The following NCOA6 variants were observed in gnomAD, a reference collection of about 807,000 sequenced individuals.
NCOA6 encodes the protein NRC RAP250.
Under a neutral mutation model 171.4 loss-of-function variants are expected in NCOA6, and 49 were observed. The ratio of observed to expected loss-of-function variants is 0.29; its 90% CI spans 0.23 to 0.36. The LOEUF (loss-of-function observed/expected upper bound fraction) is 0.36. NCOA6 is among the 10% of genes least tolerant of loss of function. The pLI is 1.00. For synonymous variants in NCOA6, 910 were observed against 927.5 expected (o/e 0.98, Z 0.34); for missense variants, 2,248 against 2,554.5 (o/e 0.88, Z 2.59).
intron 2 of NCOA6, among the ~76,000 whole-genome samples, chr20:34,790,519 T>C (rs1457961163): frequency 1.3e-5 from 2 of 151,984 alleles, no homozygotes; most frequent in African/African-American, 2.4e-5. Context: ...TACGCCCAGC[T>C]AATTTTTTTG....
chr20:34,726,285 T>C (rs1989945048), intron 14 of NCOA6, among the ~76,000 whole-genome samples: 1 of 152,156 alleles, frequency 6.6e-6, no homozygotes, highest in South Asian at 2.1e-4. Context: ...CAAAGGAGGA[T>C]ACTGGTAGAT....
At chr20:34,775,483 G>A (rs1229577302) in intron 4 of NCOA6, among the ~76,000 whole-genome samples, 1 of 151,942 alleles carries the variant, frequency 6.6e-6, no homozygotes, top group Non-Finnish European at 1.5e-5. Context: ...TCAGAAGTTT[G>A]AGACCAGCCT....
At chr20:34,727,231 C>T (rs1365010904) in intron 14 of NCOA6, 28 bp downstream of exon 14, 4 of 1,609,806 alleles carry the variant, frequency 2.5e-6, no homozygotes, top group Non-Finnish European at 3.4e-6. Context: ...ATTTGACCCA[C>T]AAATAGCACC....
intron 1 of NCOA6, among the ~76,000 whole-genome samples, chr20:34,798,334 T>C (rs2078148586): frequency 6.6e-6 from 1 of 152,244 alleles, no homozygotes; most frequent in South Asian, 2.1e-4. Flanking sequence ...CTAAGGTTTC[T>C]GACTTCAGGC....
intron 9 of NCOA6, among the ~76,000 whole-genome samples, chr20:34,747,373 G>C (rs541363352): frequency 6.6e-6 from 1 of 152,306 alleles, no homozygotes; most frequent in South Asian, 2.1e-4. Flanking sequence ...CTTGCAAAAG[G>C]TTGTATAGGT....
chr20:34,723,573 C>T (rs574893003), intron 14 of NCOA6, among the ~76,000 whole-genome samples: 58 of 152,294 alleles, frequency 3.8e-4, no homozygotes, highest in African/African-American at 1.3e-3. Context: ...ATCACAAAGC[C>T]TGAGAGTCAT....
Position 34,742,661 on chromosome 20 carries a change from T to A in NCOA6, c.3595A>T (p.Asn1199Tyr). The change falls in exon 11 of 15, where the codon AAT (asparagine) becomes TAT (tyrosine). Residue 1199 changes from asparagine (N) to tyrosine (Y), a missense_variant. Asn to Tyr is a moderately radical substitution (Grantham distance 143, BLOSUM62 -2). Around this residue, in one of 7 missense-constraint regions of NCOA6, gnomAD observed 352 missense variants for 419.1 expected, o/e 0.84. Coordinates refer to ENST00000359003, the MANE Select transcript of NCOA6 (RefSeq NM_014071.5). ...LPSSHGHHFP[N>Y]VAAPTQTSRP... is the part of the protein sequence containing the mutation. ...GATGTCTGGGTTGGCGCAGCCACAT[T>A]TGGGAAGTGGTGGCCGTGAGAGCTG... The A allele has an allele frequency of 6.2e-7, 1 of 1,614,116 alleles. No individual in the cohort carries two copies. The highest frequency in any genetic ancestry group is 1.7e-5 in the Admixed American group (1 of 60,020).
At chr20:34,792,076 T>C (rs1051330189) in intron 2 of NCOA6, among the ~76,000 whole-genome samples, 1 of 152,188 alleles carries the variant, frequency 6.6e-6, no homozygotes, top group South Asian at 2.1e-4. Flanking sequence ...AGCATCAAAC[T>C]AGAGTTATGT....
intron 1 of NCOA6, among the ~76,000 whole-genome samples, chr20:34,793,037 C>T (rs763471703): frequency 2.6e-5 from 4 of 152,026 alleles, no homozygotes; most frequent in Non-Finnish European, 5.9e-5. Flanking sequence ...CCCGCCTGAG[C>T]CTCCCAAAGT....
Position 34,749,454 on chromosome 20 carries a change from G to C in NCOA6, c.2741C>G (p.Pro914Arg). The C allele has an allele frequency of 6.2e-7, 1 of 1,613,020 alleles. No individual in the cohort carries two copies. Among genetic ancestry groups the C allele is most frequent in the Non-Finnish European group, 8.5e-7 (1 of 1,179,408 alleles). Residue 914 changes from proline to arginine, a missense_variant, in exon 9 of 15, where the codon CCG becomes CGG. By Grantham distance (103) the Pro-to-Arg change is moderately radical (BLOSUM62 -2). Coordinates refer to ENST00000359003, the MANE Select transcript of NCOA6 (RefSeq NM_014071.5). ...CTTCCGAGGGGGTTTCTTCTTCTTCGGTTTATTTGCGTTGGTATTATTTTG... is the reference window on the plus strand; with the variant it reads ...CTTCCGAGGGGGTTTCTTCTTCTTCCGTTTATTTGCGTTGGTATTATTTTG... ...NKQNNTNANKPKKKKPPRKKK... is the reference protein window; with the variant it reads ...NKQNNTNANKRKKKKPPRKKK...
chr20:34,808,033 C>A (rs2078520220), intron 1 of NCOA6, among the ~76,000 whole-genome samples: 1 of 151,732 alleles, frequency 6.6e-6, no homozygotes, highest in Non-Finnish European at 1.5e-5. Context: ...GCCTGTAGTT[C>A]CAGCTACTCA....
chr20:34,758,997 A>G, intron 5 of NCOA6, 64 bp from the exon 6 acceptor site: 3 of 1,496,482 alleles, frequency 2.0e-6, no homozygotes, highest in Non-Finnish European at 2.7e-6. Context: ...TTAATGAGTT[A>G]TTTCAAGAAT....
intron 1 of NCOA6, among the ~76,000 whole-genome samples, chr20:34,799,098 C>T (rs1172959511): frequency 1.3e-5 from 2 of 152,040 alleles, no homozygotes; most frequent in Admixed American, 1.3e-4. Flanking sequence ...TTCAAGATAG[C>T]TCACAGAAGG....
chr20:34,740,440 C>A lies in NCOA6; in HGVS notation c.5816G>T (p.Gly1939Val), dbSNP rs200759781. ...ACCCGCAAGTGACTCAGATGCTATGCCACCATGATTGCTTTTTGTGGTCGG... is the reference window on the plus strand; with the variant it reads ...ACCCGCAAGTGACTCAGATGCTATGACACCATGATTGCTTTTTGTGGTCGG... ...AVPTTKSNHG[G>V]IASESLAGGL... Residue 1939 changes from glycine (G) to valine (V), a missense_variant, in exon 11 of 15, where the codon GGC (glycine) becomes GTC (valine). Gly to Val is a moderately radical substitution (Grantham distance 109). Transcript: ENST00000359003. 10 of 1,614,082 alleles carry A rather than the reference C, an allele frequency of 6.2e-6. No homozygotes were observed. The African/African-American group carries it at 1.2e-4, about 19-fold the overall frequency.
Position 34,720,078 on chromosome 20 carries a change from G to C in NCOA6, c.6149-4713C>G, listed in dbSNP as rs549894095. On this transcript the variant is annotated intron_variant, in intron 14 of 14. Transcript: ENST00000359003. ...TTCCTTAAATTAACATATTTTCCTG[G>C]TTCCAAACTTAAAGCTTTGAACTTC... 1.8e-4 allele frequency among the ~76,000 whole-genome samples: 27 copies of C among 152,128 alleles called. No individual in the cohort carries two copies. In the South Asian group the frequency reaches 2.3e-3, roughly 13 times the overall value.
Position 34,789,378 on chromosome 20 carries a change from T to C in NCOA6, c.-50+3072A>G, listed in dbSNP as rs1257045969. On this transcript the variant is annotated intron_variant, in intron 2 of 14. Coordinates refer to ENST00000359003, the MANE Select transcript of NCOA6 (RefSeq NM_014071.5). ...GGAGGAAATCCAACAGTTTTTCTGATTACTGAGGCATCAAATGCCTGACAT... is the reference window on the plus strand; with the variant it reads ...GGAGGAAATCCAACAGTTTTTCTGACTACTGAGGCATCAAATGCCTGACAT... Among the ~76,000 whole-genome samples, 3 of 152,214 alleles carry C rather than the reference T, an allele frequency of 2.0e-5. No homozygotes were observed. The East Asian group carries it at 5.8e-4, about 29-fold the overall frequency.
chr20:34,798,727 G>A (rs2078162411), intron 1 of NCOA6, among the ~76,000 whole-genome samples: 1 of 152,154 alleles, frequency 6.6e-6, no homozygotes, highest in Admixed American at 6.5e-5. Context: ...AACCACCAAG[G>A]TGGTACCTCT....
rs563969610 is a variant in NCOA6, at chr20:34,750,310, C to G, written c.1885G>C (p.Val629Leu). ...SQLMGMHQQI[V>L]PSQGQMVQQQ... is the part of the protein sequence containing the mutation. ...TGGACCATCTGGCCCTGGGAGGGCA[C>G]GATTTGCTGGTGCATGCCCATCAGC... The change falls in exon 9 of 15, where the codon GTG (valine) becomes CTG (leucine). Residue 629 changes from valine to leucine, a missense_variant. Coordinates refer to ENST00000359003, the MANE Select transcript of NCOA6 (RefSeq NM_014071.5). 1 of 1,613,214 alleles carries G rather than the reference C, an allele frequency of 6.2e-7. No individual in the cohort carries two copies. Among genetic ancestry groups the G allele is most frequent in the Non-Finnish European group, 8.5e-7 (1 of 1,179,600 alleles).
chr20:34,739,653 T>C (rs2076070170), intron 11 of NCOA6, among the ~76,000 whole-genome samples: 1 of 152,188 alleles, frequency 6.6e-6, no homozygotes, highest in African/African-American at 2.4e-5. Flanking sequence ...CAGTGTTAAA[T>C]GGGAGGTTCA....
Sources: allele counts gnomAD v4.1 joint callset (sites outside exome capture counted in the v4.1 genomes callset), GRCh38; gene constraint gnomAD v4.1.1; regional missense constraint gnomAD v4.1.1; transcripts MANE v1.5; gene names NCBI Gene and HGNC (gene_info 2026-07-23, HGNC 2026-07-21).